SLC5A6: variants seen among roughly 807,000 people sequenced by gnomAD.
SLC5A6 encodes the protein sodium-dependent multivitamin transporter.
In SLC5A6, 31 loss-of-function variants were observed where a neutral mutation model predicts 67.9. The observed-to-expected ratio is 0.46, with a 90% confidence interval of 0.34 to 0.62. The LOEUF is 0.62. SLC5A6 is among the 20% of genes least tolerant of loss of function. The pLI is 0.01. For synonymous variants in SLC5A6, 343 were observed against 331.0 expected, an observed-to-expected ratio of 1.04 and a Z score of -0.39; for missense variants, 673 against 812.8, an observed-to-expected ratio of 0.83 and a Z score of 2.09.
intron 4 of SLC5A6, 119 bp downstream of exon 4, chr2:27,206,758 C>A: frequency 1.1e-6 from 1 of 948,638 alleles, no homozygotes; most frequent in Non-Finnish European, 1.7e-6. Context: ...ATGCTAACCT[C>A]TAGCAGGAAT....
Position 27,207,176 on chromosome 2 carries a change from T to C in SLC5A6, c.393+82A>G. The C allele has an allele frequency of 6.9e-7, 1 of 1,456,048 alleles. No individual in the cohort carries two copies. The highest frequency in any genetic ancestry group is 9.5e-7 in the Non-Finnish European group (1 of 1,053,628). The allele number at this position is 1,456,048 out of a possible 1,614,324, so 90.2% of individuals were successfully genotyped here. On this transcript the variant is annotated intron_variant, in intron 3 of 16. Coordinates refer to ENST00000310574, the MANE Select transcript of SLC5A6 (RefSeq NM_021095.4). This position sits in a 1 kb window ranked among gnomAD's most constrained non-coding sequence, Gnocchi z 5.5. ...CTCATTAGGTGGAGGAGGTCTAGGGTCCCAGGTCCTTCCTATGTGCCTGTC... is the reference window on the plus strand; with the variant it reads ...CTCATTAGGTGGAGGAGGTCTAGGGCCCCAGGTCCTTCCTATGTGCCTGTC...
In SLC5A6 at chr2:27,206,887, A is replaced by G. The variant is rs1674109773; in HGVS notation, c.449T>C (p.Ile150Thr). The G allele has an allele frequency of 7.4e-6, 12 of 1,613,160 alleles. No individual in the cohort carries two copies. The highest frequency in any genetic ancestry group is 9.3e-6 in the Non-Finnish European group (11 of 1,179,212). ...TVRVCGTVTF[I>T]FQMVIYMGVV... ...CCTCATTCTGCTTACCATCTGAAAG[A>G]TGAAGGTCACAGTTCCACACACTCG... is the stretch of plus-strand genomic sequence containing the variant. The change falls in exon 4 of 17, where the codon ATC (isoleucine) becomes ACC (threonine). Residue 150 changes from isoleucine to threonine, a missense_variant. Physicochemically the swap from Ile to Thr is moderately conservative, Grantham distance 89. Transcript: ENST00000310574.
At position 27,201,785 on chromosome 2, in the gene SLC5A6, G is replaced by T. The variant is rs61360024; in HGVS notation, c.1425C>A (p.Ile475=). 2 of 1,614,112 alleles carry T rather than the reference G, an allele frequency of 1.2e-6. No homozygotes were observed. Among genetic ancestry groups the T allele is most frequent in the Admixed American group, 3.3e-5 (2 of 60,016 alleles). ...VMAFWIGIGS[I]VTSMGSSMPP... ...GCATGCTGGAGCCCATGCTGGTCAC[G>T]ATGCTCCCGATGCCAATCCAGAAGG... The change falls in exon 14 of 17, where the codon ATC becomes ATA. Residue 475 remains isoleucine (I), a synonymous_variant. Coordinates refer to ENST00000310574, the MANE Select transcript of SLC5A6 (RefSeq NM_021095.4).
chr2:27,205,299 G>C, intron 7 of SLC5A6, 51 bp downstream of exon 7: 1 of 1,573,386 alleles, frequency 6.4e-7, no homozygotes, highest in Non-Finnish European at 8.7e-7. Context: ...TCTAGGATGG[G>C]CTCAGCGCCC....
At position 27,206,559 on chromosome 2, in the gene SLC5A6, T is replaced by C. The variant is rs763160175; in HGVS notation, c.460-25A>G. 4 of 1,609,812 alleles carry C rather than the reference T, an allele frequency of 2.5e-6. No individual in the cohort carries two copies. In the South Asian group the frequency reaches 3.3e-5, roughly 13 times the overall value. On this transcript the variant is annotated intron_variant, in intron 4 of 16. Transcript: ENST00000310574. Reference sequence around the variant, plus strand: ...CCTGTTGCATGTGGAAAAAATGTGATGGGGGCCGGAGAATGGTGGGAAGAG... The same window carrying C: ...CCTGTTGCATGTGGAAAAAATGTGACGGGGGCCGGAGAATGGTGGGAAGAG...
Position 27,201,382 on chromosome 2 carries a change from A to G in SLC5A6, c.1616T>C (p.Ile539Thr). The G allele has an allele frequency of 6.2e-7, 1 of 1,610,138 alleles. No individual in the cohort carries two copies. The highest frequency in any genetic ancestry group is 8.5e-7 in the Non-Finnish European group (1 of 1,176,356). ...TAGACTGACAATCAGGCCCACCACA[A>G]TCACTGTGGTGGAGTTGTGAGCACT... Reference protein sequence around the residue: ...WYSAHNSTTVIVVGLIVSLLT... With the variant: ...WYSAHNSTTVTVVGLIVSLLT... The change falls in exon 15 of 17, where the codon ATT (isoleucine) becomes ACT (threonine). Residue 539 changes from isoleucine to threonine, a missense_variant. Physicochemically the swap from Ile to Thr is moderately conservative, Grantham distance 89. Coordinates refer to ENST00000310574, the MANE Select transcript of SLC5A6 (RefSeq NM_021095.4).
In SLC5A6 at chr2:27,204,624, G is replaced by A. The variant is rs200505869; in HGVS notation, c.876-34C>T. 3.8e-5 allele frequency: 61 copies of A among 1,611,504 alleles called. No homozygotes were observed. The East Asian group carries it at 1.3e-3, about 35-fold the overall frequency. ...GAGGTCAGTGCCAGGAGGAGAGCCGGCGTTAACAGACACCCTCAGGTGTGT... is the reference window on the plus strand; with the variant it reads ...GAGGTCAGTGCCAGGAGGAGAGCCGACGTTAACAGACACCCTCAGGTGTGT... On this transcript the variant is annotated intron_variant, in intron 8 of 16. Transcript: ENST00000310574.
chr2:27,203,880 C>A lies in SLC5A6; in HGVS notation c.1006-13G>T. On this transcript the variant is annotated splice_polypyrimidine_tract_variant and intron_variant, in intron 9 of 16. Coordinates refer to ENST00000310574, the MANE Select transcript of SLC5A6 (RefSeq NM_021095.4). ...AGTACAGGACGAACTGCAAGCAGAG[C>A]GGAGGTACACAGCAGTCCTCAGAGA... 1 of 1,606,718 alleles carries A rather than the reference C, an allele frequency of 6.2e-7. No individual in the cohort carries two copies.
chr2:27,212,626 C>T, upstream of SLC5A6: 2 of 1,414,632 alleles, frequency 1.4e-6, no homozygotes, highest in Non-Finnish European at 1.8e-6. Flanking sequence ...CCCAAGTACT[C>T]ACGTCGTGCA....
In SLC5A6 at chr2:27,209,927, C is replaced by T. The variant is rs572644962; in HGVS notation, c.-141+1540G>A. On this transcript the variant is annotated intron_variant, in intron 2 of 16. Transcript: ENST00000310574. Reference sequence around the variant, plus strand: ...TGGTTTAACCTAAACATGCCCTGGGCCTTTGCACATTGCAACACCCTGAGT... The same window carrying T: ...TGGTTTAACCTAAACATGCCCTGGGTCTTTGCACATTGCAACACCCTGAGT... Among the ~76,000 whole-genome samples the T allele has an allele frequency of 2.0e-5, 3 of 152,308 alleles. No individual in the cohort carries two copies. The South Asian group carries it at 6.2e-4, about 32-fold the overall frequency.
chr2:27,212,072 G>T lies in SLC5A6; in HGVS notation c.-260C>A. 5 of 1,263,266 alleles carry T rather than the reference G, an allele frequency of 4.0e-6. No individual in the cohort carries two copies. Among genetic ancestry groups the T allele is most frequent in the Non-Finnish European group, 5.3e-6 (5 of 941,030 alleles). The allele number at this position is 1,263,266 out of a possible 1,614,324, so 78.3% of individuals were successfully genotyped here. A position where few individuals can be genotyped will look rare whatever the true frequency, so the allele number is the denominator to read the frequency against. On this transcript the variant is annotated 5_prime_UTR_variant, in exon 1 of 17. Coordinates refer to ENST00000310574, the MANE Select transcript of SLC5A6 (RefSeq NM_021095.4). ...CTGCGAAGCCGCGACCTCGGCGTCC[G>T]GACGCGGGGAACACCGGGCTGAGGG...
chr2:27,207,601 G>T lies in SLC5A6; in HGVS notation c.50C>A (p.Thr17Lys), dbSNP rs150307260. Residue 17 changes from threonine (T) to lysine (K), a missense_variant, in exon 3 of 17, where the codon ACA becomes AAA. By Grantham distance (78) the Thr-to-Lys change is moderately conservative. Coordinates refer to ENST00000310574, the MANE Select transcript of SLC5A6 (RefSeq NM_021095.4). The surrounding 1 kb of genome is among the most constrained non-coding windows in gnomAD (Gnocchi z 5.5). ...TSAPLSPTSGTSVGMSTFSIM... is the reference protein window; with the variant it reads ...TSAPLSPTSGKSVGMSTFSIM... ...GGAGAAGGTAGACATGCCCACGCTTGTGCCCGAGGTTGGGGAAAGAGGGGC... is the reference window on the plus strand; with the variant it reads ...GGAGAAGGTAGACATGCCCACGCTTTTGCCCGAGGTTGGGGAAAGAGGGGC... 5 of 1,614,142 alleles carry T rather than the reference G, an allele frequency of 3.1e-6. No homozygotes were observed. In the African/African-American group the frequency reaches 6.7e-5, roughly 22 times the overall value.
chr2:27,204,516 G>T lies in SLC5A6; in HGVS notation c.950C>A (p.Ala317Glu), dbSNP rs199587675. ...VGCLIGLVMF[A>E]YYQEYPMSIQ... ...GCTCATGGGATACTCCTGGTAATAC[G>T]CGAACATGACCAGGCCAATGAGGCA... Residue 317 changes from alanine (A) to glutamate (E), a missense_variant, in exon 9 of 17, where the codon GCG becomes GAG. Coordinates refer to ENST00000310574, the MANE Select transcript of SLC5A6 (RefSeq NM_021095.4). 1.9e-6 allele frequency: 3 copies of T among 1,614,008 alleles called. No homozygotes were observed. Among genetic ancestry groups the T allele is most frequent in the Non-Finnish European group, 2.5e-6 (3 of 1,179,938 alleles).
At chr2:27,205,068 T>C in intron 7 of SLC5A6, 137 bp from the exon 8 acceptor site, 1 of 1,029,206 alleles carries the variant, frequency 9.7e-7, no homozygotes, top group Non-Finnish European at 1.4e-6. Context: ...AGCAAGAAGC[T>C]GGGTGCACTC....
At chr2:27,201,630 T>C (rs192806302) in intron 14 of SLC5A6, 36 bp downstream of exon 14, 1 of 1,602,662 alleles carries the variant, frequency 6.2e-7, no homozygotes, top group Non-Finnish European at 8.5e-7. Context: ...AAAGGAGGGC[T>C]TTGAGAAAAC....
At chr2:27,201,249 C>A in intron 15 of SLC5A6, 101 bp downstream of exon 15, 2 of 962,906 alleles carry the variant, frequency 2.1e-6, no homozygotes, top group Admixed American at 4.3e-5. Context: ...CAGCTACGGA[C>A]ACCCAAGAGC....
At chr2:27,208,040 T>C (rs1008514591) in intron 2 of SLC5A6, among the ~76,000 whole-genome samples, 7 of 152,214 alleles carry the variant, frequency 4.6e-5, no homozygotes, top group Admixed American at 3.9e-4. Flanking sequence ...AACAACCTTC[T>C]TAGGTCTCCA....
intron 16 of SLC5A6, 109 bp downstream of exon 16, chr2:27,200,887 TGA>T (rs889708669): frequency 4.2e-6 from 3 of 721,732 alleles, no homozygotes; most frequent in South Asian, 1.7e-5. Flanking sequence ...TAGCTGATCC[TGA>T]GAGAGGCACC....
rs879391993 is a variant in SLC5A6, at chr2:27,199,774, C to A, written c.*662G>T. ...TGGTTTCTTGGATCCACATTTGCCC[C>A]GTCTCTTAAGTGTCCATCTCAGAGG... is the stretch of plus-strand genomic sequence containing the variant. On this transcript the variant is annotated 3_prime_UTR_variant, in exon 17 of 17. Transcript: ENST00000310574. 2 of 152,758 alleles carry A rather than the reference C, an allele frequency of 1.3e-5. No individual in the cohort carries two copies. The highest frequency in any genetic ancestry group is 2.1e-4 in the South Asian group (1 of 4,826). 9.5% of individuals were successfully genotyped at this position (152,758 alleles called of 1,614,324 possible). A position where few individuals can be genotyped will look rare whatever the true frequency, so the allele number is the denominator to read the frequency against.
Sources: gnomAD v4.1 joint callset for allele counts (sites outside exome capture counted in the v4.1 genomes callset) on GRCh38, gnomAD v4.1.1 for gene constraint, Gnocchi (gnomAD v3.1) non-coding constraint, MANE v1.5 for transcripts, NCBI Gene and HGNC (gene_info 2026-07-23, HGNC 2026-07-21) for gene names.